Variants in STARD13 observed in about 807,000 individuals in gnomAD.
The protein encoded by STARD13 is stAR-related lipid transfer protein 13.
Under a neutral mutation model 106.4 loss-of-function variants are expected in STARD13, and 62 were observed. That is an observed-to-expected ratio of 0.58 (90% CI 0.48 to 0.72). The LOEUF (loss-of-function observed/expected upper bound fraction) is 0.72, where lower values mean the gene tolerates loss of function less well. Ranked by LOEUF, STARD13 falls within the 30% of genes least tolerant of loss-of-function variation. The pLI, the probability that STARD13 is intolerant of heterozygous loss-of-function variation, is 0.00. For synonymous variants in STARD13, 565 were observed against 553.0 expected, an observed-to-expected ratio of 1.02 and a Z score of -0.31; for missense variants, 1,387 against 1,424.0, an observed-to-expected ratio of 0.97 and a Z score of 0.42.
chr13:33,477,644 A>G, the STARD13 span, among the ~76,000 whole-genome samples: 1 of 152,112 alleles, frequency 6.6e-6, no homozygotes, highest in Non-Finnish European at 1.5e-5. Flanking sequence ...GTCTAGACAC[A>G]ACAACTGAAT....
chr13:33,621,041 T>C, the STARD13 span, among the ~76,000 whole-genome samples: 1 of 151,696 alleles, frequency 6.6e-6, no homozygotes, highest in East Asian at 1.9e-4. Context: ...AGAAAAAAGA[T>C]GTAAAACCAG....
the STARD13 span, among the ~76,000 whole-genome samples, chr13:33,642,197 G>T: frequency 6.6e-6 from 1 of 152,302 alleles, no homozygotes; most frequent in Non-Finnish European, 1.5e-5. Flanking sequence ...TAGGAGAAAA[G>T]GATAACAGTC....
the STARD13 span, among the ~76,000 whole-genome samples, chr13:33,528,243 C>CATATATATATATAT: frequency 3.2e-5 from 3 of 93,484 alleles, no homozygotes; most frequent in African/African-American, 1.9e-4. Context: ...TATATATATA[C>CATATATATATATAT]ATATATATAT....
the STARD13 span, among the ~76,000 whole-genome samples, chr13:33,549,721 G>C: frequency 6.6e-6 from 1 of 152,060 alleles, no homozygotes; most frequent in Non-Finnish European, 1.5e-5. Context: ...CATGACATCT[G>C]TTTCTTCCAT....
chr13:33,312,298 C>T (rs950595660), intron 1 of STARD13, among the ~76,000 whole-genome samples: 1 of 152,104 alleles, frequency 6.6e-6, no homozygotes, highest in African/African-American at 2.4e-5. Flanking sequence ...TTTCTTTTTC[C>T]TTTTCTCTGA....
chr13:33,339,970 G>A (rs1343380754), intron 1 of STARD13, among the ~76,000 whole-genome samples: 1 of 151,970 alleles, frequency 6.6e-6, no homozygotes, highest in Non-Finnish European at 1.5e-5. Flanking sequence ...CTTGTGGCCA[G>A]GAAAGGTGCA....
At chr13:33,370,831 C>T in the STARD13 span, among the ~76,000 whole-genome samples, 22 of 151,768 alleles carry the variant, frequency 1.4e-4, no homozygotes, top group Admixed American at 9.9e-4. Flanking sequence ...ATGTTGGCCA[C>T]GCTGGTCTTG....
the STARD13 span, among the ~76,000 whole-genome samples, chr13:33,496,800 AT>A: frequency 6.6e-6 from 1 of 152,070 alleles, no homozygotes; most frequent in Admixed American, 6.6e-5. Context: ...AATGTATGCC[AT>A]TTTGTCTCAA....
At chr13:33,528,465 G>A in the STARD13 span, among the ~76,000 whole-genome samples, 1 of 150,702 alleles carries the variant, frequency 6.6e-6, no homozygotes, top group African/African-American at 2.5e-5. Flanking sequence ...GTAGAGATGA[G>A]GTCTCGCTAT....
At chr13:33,631,854 A>C in the STARD13 span, among the ~76,000 whole-genome samples, 1 of 152,202 alleles carries the variant, frequency 6.6e-6, no homozygotes, top group Admixed American at 6.5e-5. Context: ...CATAAAAGTA[A>C]TTTGCGTTAA....
At chr13:33,538,773 T>TA in the STARD13 span, among the ~76,000 whole-genome samples, 28 of 146,982 alleles carry the variant, frequency 1.9e-4, 1 homozygote, top group East Asian at 4.3e-3. Flanking sequence ...ACTATTTAAT[T>TA]TTTTTTTTTT....
At chr13:33,636,476 G>A in the STARD13 span, among the ~76,000 whole-genome samples, 1 of 152,098 alleles carries the variant, frequency 6.6e-6, no homozygotes, top group Non-Finnish European at 1.5e-5. Flanking sequence ...GGACACCAGG[G>A]CAATAGGCAT....
chr13:33,392,199 C>G, the STARD13 span, among the ~76,000 whole-genome samples: 2 of 152,258 alleles, frequency 1.3e-5, no homozygotes, highest in African/African-American at 4.8e-5. Context: ...CCTTGTTTTT[C>G]TTGCAACCTT....
At chr13:33,143,400 G>GT (rs2138239751) in intron 3 of STARD13, among the ~76,000 whole-genome samples, 1 of 149,366 alleles carries the variant, frequency 6.7e-6, no homozygotes, top group African/African-American at 2.5e-5. Context: ...TTGAGTGACT[G>GT]TTTTTTCATT....
the STARD13 span, among the ~76,000 whole-genome samples, chr13:33,421,892 A>G: frequency 6.6e-6 from 1 of 152,216 alleles, no homozygotes; most frequent in African/African-American, 2.4e-5. Flanking sequence ...ACAAAATTCA[A>G]CTTCCCTTCA....
the STARD13 span, among the ~76,000 whole-genome samples, chr13:33,662,373 C>T: frequency 2.0e-5 from 3 of 152,224 alleles, no homozygotes; most frequent in East Asian, 5.8e-4. Flanking sequence ...TATATAGACA[C>T]TTTACAGGTT....
the STARD13 span, among the ~76,000 whole-genome samples, chr13:33,504,347 A>G: frequency 6.6e-6 from 1 of 152,086 alleles, no homozygotes; most frequent in Non-Finnish European, 1.5e-5. Context: ...AAAGACTTTG[A>G]ACCAACCCAA....
At chr13:33,606,859 G>T in the STARD13 span, among the ~76,000 whole-genome samples, 2 of 152,158 alleles carry the variant, frequency 1.3e-5, no homozygotes. Context: ...AGCTTCTCGA[G>T]GCCCTCTGCA....
At chr13:33,605,205 C>T in the STARD13 span, among the ~76,000 whole-genome samples, 1 of 147,590 alleles carries the variant, frequency 6.8e-6, no homozygotes, top group Admixed American at 6.9e-5. Flanking sequence ...TACCACTGCA[C>T]TCCAGCCTGG....
Sources: gnomAD v4.1 joint callset for allele counts (sites outside exome capture counted in the v4.1 genomes callset) on GRCh38, gnomAD v4.1.1 for gene constraint, MANE v1.5 for transcripts, NCBI Gene and HGNC (gene_info 2026-07-23, HGNC 2026-07-21) for gene names.